Variants in MTNR1B observed in about 807,000 individuals in gnomAD.
MTNR1B encodes the protein melatonin receptor 1B.
A neutral mutation model predicts 7.0 loss-of-function variants in MTNR1B; 7 were observed. The ratio of observed to expected loss-of-function variants is 1.00; its 90% CI spans 0.57 to 1.88. The LOEUF (loss-of-function observed/expected upper bound fraction) is 1.88, where lower values mean the gene tolerates loss of function less well. Among genes scored for constraint, MTNR1B ranks in the 40% most tolerant of loss-of-function variants. The probability of loss-of-function intolerance (pLI) is 0.00; values close to 1 mark genes in which losing one functional copy is unlikely to be tolerated. For missense variants in MTNR1B, 478 were observed against 486.5 expected, an observed-to-expected ratio of 0.98 and a Z score of 0.16; for synonymous variants, 226 against 208.2, an observed-to-expected ratio of 1.09 and a Z score of -0.74.
chr11:92,978,603 T>C (rs553937479), intron 1 of MTNR1B, among the ~76,000 whole-genome samples: 4 of 152,342 alleles, frequency 2.6e-5, no homozygotes, highest in African/African-American at 7.2e-5. Context: ...TTCTTACAGA[T>C]GGAAGACAAA....
chr11:92,984,456 T>G (rs1858166625), downstream of MTNR1B, among the ~76,000 whole-genome samples: 2 of 113,508 alleles, frequency 1.8e-5, no homozygotes, highest in South Asian at 7.0e-4. Flanking sequence ...TGCAGAAGAG[T>G]CCTAAGGATT....
At chr11:92,973,570 T>C (rs1857966028) in intron 1 of MTNR1B, among the ~76,000 whole-genome samples, 1 of 152,218 alleles carries the variant, frequency 6.6e-6, no homozygotes, top group South Asian at 2.1e-4. Context: ...CTACCTCTTC[T>C]GCCCAGTCAA....
chr11:92,982,950 C>A, downstream of MTNR1B, among the ~76,000 whole-genome samples: 1 of 118,392 alleles, frequency 8.4e-6, no homozygotes. Flanking sequence ...CCCCCCCCCA[C>A]ACACACACAC....
intron 1 of MTNR1B, among the ~76,000 whole-genome samples, chr11:92,979,483 A>G (rs1305628966): frequency 6.6e-6 from 1 of 152,216 alleles, no homozygotes; most frequent in African/African-American, 2.4e-5. Flanking sequence ...TTTTTAACCC[A>G]TGAAGTAAAT....
chr11:92,982,243 C>T lies in MTNR1B; in HGVS notation c.1020C>T (p.Ser340=). 2 of 1,614,200 alleles carry T rather than the reference C, an allele frequency of 1.2e-6. No homozygotes were observed. Among genetic ancestry groups the T allele is most frequent in the Non-Finnish European group, 1.7e-6 (2 of 1,180,032 alleles). ...RHCIQDASKG[S]HAEGLQSPAP... Reference sequence around the variant, plus strand: ...GCATTCAAGATGCTTCCAAGGGCAGCCACGCGGAGGGGCTGCAGAGCCCAG... The same window carrying T: ...GCATTCAAGATGCTTCCAAGGGCAGTCACGCGGAGGGGCTGCAGAGCCCAG... The change falls in exon 2 of 2, where the codon AGC becomes AGT. Residue 340 remains serine (S), a synonymous_variant. Transcript: ENST00000257068.
intron 1 of MTNR1B, 105 bp downstream of exon 1, chr11:92,970,053 G>T (rs2136507481): frequency 7.5e-7 from 1 of 1,338,828 alleles, no homozygotes; most frequent in African/African-American, 1.5e-5. Flanking sequence ...CCTCAGCCCG[G>T]GCTCCCCTTT....
intron 1 of MTNR1B, among the ~76,000 whole-genome samples, chr11:92,979,979 G>A (rs535567269): frequency 3.9e-5 from 6 of 152,270 alleles, no homozygotes; most frequent in East Asian, 1.9e-4. Flanking sequence ...CCAGCTGGGC[G>A]GCTCTCAGCC....
At chr11:92,976,084 T>C (rs894516414) in intron 1 of MTNR1B, among the ~76,000 whole-genome samples, 3 of 152,348 alleles carry the variant, frequency 2.0e-5, no homozygotes, top group African/African-American at 7.2e-5. Flanking sequence ...CTAATAATCC[T>C]CTTTAATTCC....
intron 1 of MTNR1B, among the ~76,000 whole-genome samples, chr11:92,980,115 G>C (rs539982700): frequency 1.3e-5 from 2 of 152,270 alleles, no homozygotes; most frequent in East Asian, 3.9e-4. Flanking sequence ...TGTGGCAATG[G>C]GACAGACACA....
At chr11:92,977,123 T>C (rs944795504) in intron 1 of MTNR1B, among the ~76,000 whole-genome samples, 1 of 152,268 alleles carries the variant, frequency 6.6e-6, no homozygotes, top group Non-Finnish European at 1.5e-5. Context: ...TGTTCTTAAA[T>C]ATATTTTCTT....
At chr11:92,981,019 G>C (rs1319150818) in intron 1 of MTNR1B, among the ~76,000 whole-genome samples, 1 of 152,166 alleles carries the variant, frequency 6.6e-6, no homozygotes. Flanking sequence ...ATGTGAGGGA[G>C]CGATGATAGT....
intron 1 of MTNR1B, among the ~76,000 whole-genome samples, chr11:92,971,622 T>A (rs1397969368): frequency 6.6e-6 from 1 of 152,152 alleles, no homozygotes. Flanking sequence ...TGTCCCTGAC[T>A]TATTGAGTAT....
In MTNR1B at chr11:92,969,916, C is replaced by A. The variant is rs764977127; in HGVS notation, c.191C>A (p.Ser64Tyr). 1.1e-5 allele frequency: 17 copies of A among 1,611,930 alleles called. No individual in the cohort carries two copies. The highest frequency in any genetic ancestry group is 1.4e-5 in the Non-Finnish European group (16 of 1,179,530). ...DVVGNLLVIL[S>Y]VLRNRKLRNA... ...GTGGGCAACCTCCTGGTGATCCTCT[C>A]CGTGCTCAGGAACCGCAAGCTCCGG... The change falls in exon 1 of 2, where the codon TCC becomes TAC. Residue 64 changes from serine to tyrosine, a missense_variant. Ser to Tyr is a moderately radical substitution (Grantham distance 144). Coordinates refer to ENST00000257068, the MANE Select transcript of MTNR1B (RefSeq NM_005959.5).
rs149713729 is a variant in MTNR1B, at chr11:92,982,534, T to G, written c.*222T>G. On this transcript the variant is annotated 3_prime_UTR_variant, in exon 2 of 2. Coordinates refer to ENST00000257068, the MANE Select transcript of MTNR1B (RefSeq NM_005959.5). ...GGCCACAGGACCTGGAAAACACTCT[T>G]GGTGGTGTCTTGGGGATTTGGTGCA... is the stretch of plus-strand genomic sequence containing the variant. The G allele has an allele frequency of 1.2e-5, 7 of 580,872 alleles. No homozygotes were observed. Among genetic ancestry groups the G allele is most frequent in the Non-Finnish European group, 2.1e-5 (7 of 332,404 alleles). The allele number at this position is 580,872 out of a possible 1,614,324, so 36.0% of individuals were successfully genotyped here. A position where few individuals can be genotyped will look rare whatever the true frequency, so the allele number is the denominator to read the frequency against.
At chr11:92,974,607 AT>A (rs1239492231) in intron 1 of MTNR1B, among the ~76,000 whole-genome samples, 39 of 143,960 alleles carry the variant, frequency 2.7e-4, no homozygotes, top group Non-Finnish European at 2.3e-4. Flanking sequence ...CACCTGGCTA[AT>A]TTTTTTTTTT....
At position 92,982,040 on chromosome 11, in the gene MTNR1B, G is replaced by T. The variant is rs750191414; in HGVS notation, c.817G>T (p.Ala273Ser). 6 of 1,614,084 alleles carry T rather than the reference G, an allele frequency of 3.7e-6. No homozygotes were observed. In the Admixed American group the frequency reaches 6.7e-5, roughly 18 times the overall value. The change falls in exon 2 of 2, where the codon GCT becomes TCT. Residue 273 changes from alanine to serine, a missense_variant. Coordinates refer to ENST00000257068, the MANE Select transcript of MTNR1B (RefSeq NM_005959.5). ...GGCTCCACTTAACTGCATCGGCCTC[G>T]CTGTGGCCATCAACCCCCAAGAAAT... ...CWAPLNCIGL[A>S]VAINPQEMAP...
At chr11:92,978,976 C>A (rs986332226) in intron 1 of MTNR1B, among the ~76,000 whole-genome samples, 1 of 152,086 alleles carries the variant, frequency 6.6e-6, no homozygotes, top group African/African-American at 2.4e-5. Context: ...GGCCAGGTGC[C>A]CAGCGGGTCC....
intron 1 of MTNR1B, among the ~76,000 whole-genome samples, chr11:92,975,027 T>C (rs1218191415): frequency 6.6e-6 from 1 of 152,158 alleles, no homozygotes; most frequent in Non-Finnish European, 1.5e-5. Context: ...TGTGAGCCAC[T>C]GTGCCCGGCC....
chr11:92,974,398 A>G (rs1217343259), intron 1 of MTNR1B, among the ~76,000 whole-genome samples: 3 of 152,220 alleles, frequency 2.0e-5, no homozygotes, highest in Admixed American at 1.3e-4. Flanking sequence ...TTCCCCAGCC[A>G]TGTAGAACTG....
Sources: allele counts gnomAD v4.1 joint callset (sites outside exome capture counted in the v4.1 genomes callset), GRCh38; gene constraint gnomAD v4.1.1; transcripts MANE v1.5; gene names NCBI Gene and HGNC (gene_info 2026-07-23, HGNC 2026-07-21).